SMCO4: variants seen among roughly 807,000 people sequenced by gnomAD.
SMCO4 encodes the protein single-pass membrane and coiled-coil domain-containing protein 4.
In SMCO4, 4 loss-of-function variants were observed where a neutral mutation model predicts 3.6. That is an observed-to-expected ratio of 1.11 (90% CI 0.54 to 2.53). SMCO4 has a LOEUF of 2.53. SMCO4 is among the 30% of genes most tolerant of loss of function. The pLI is 0.02. For synonymous variants in SMCO4, 36 were observed against 35.3 expected (o/e 1.02, Z -0.07); for missense variants, 70 against 80.8 (o/e 0.87, Z 0.51).
At chr11:93,520,563 T>C (rs1317225269) in intron 1 of SMCO4, among the ~76,000 whole-genome samples, 1 of 152,226 alleles carries the variant, frequency 6.6e-6, no homozygotes, top group East Asian at 1.9e-4. Flanking sequence ...TAAACTATAT[T>C]GCTTCCAAAC....
intron 2 of SMCO4, among the ~76,000 whole-genome samples, chr11:93,489,111 A>C (rs1274427698): frequency 6.6e-6 from 1 of 152,174 alleles, no homozygotes; most frequent in African/African-American, 2.4e-5. Context: ...AGACTGCAGT[A>C]AACAAGAGCA....
intron 1 of SMCO4, among the ~76,000 whole-genome samples, chr11:93,528,720 A>G (rs2658770): frequency 0.79 from 120,185 of 152,078 alleles, 47,884 homozygotes; most frequent in South Asian, 0.86. Flanking sequence ...AACCCTCTAG[A>G]TTAAAGATGA....
intron 1 of SMCO4, among the ~76,000 whole-genome samples, chr11:93,543,008 C>A (rs1296076787): frequency 2.0e-5 from 3 of 151,860 alleles, no homozygotes; most frequent in Non-Finnish European, 4.4e-5. Context: ...CCCCGCCCCG[C>A]AGCAACCGGG....
intron 1 of SMCO4, among the ~76,000 whole-genome samples, chr11:93,542,337 T>C (rs1949277752): frequency 1.3e-5 from 2 of 152,134 alleles, no homozygotes; most frequent in Admixed American, 1.3e-4. Flanking sequence ...CAAGGGAGCC[T>C]GGAGCTTGGC....
At chr11:93,522,736 G>A (rs944354150) in intron 1 of SMCO4, among the ~76,000 whole-genome samples, 4 of 152,196 alleles carry the variant, frequency 2.6e-5, no homozygotes, top group Non-Finnish European at 5.9e-5. Flanking sequence ...TCTGATGAGA[G>A]AGTGTCTCAT....
chr11:93,502,362 G>C (rs1458950871), intron 1 of SMCO4, among the ~76,000 whole-genome samples: 3 of 151,856 alleles, frequency 2.0e-5, no homozygotes, highest in East Asian at 3.9e-4. Context: ...AAGTTTCCAG[G>C]CTTCATAACA....
At chr11:93,529,397 G>A (rs1949142041) in intron 1 of SMCO4, among the ~76,000 whole-genome samples, 1 of 152,098 alleles carries the variant, frequency 6.6e-6, no homozygotes, top group African/African-American at 2.4e-5. Flanking sequence ...TGGCACTGGA[G>A]AATTCTATTT....
chr11:93,490,753 C>T (rs1030826094), intron 2 of SMCO4, among the ~76,000 whole-genome samples: 107 of 152,328 alleles, frequency 7.0e-4, no homozygotes, highest in African/African-American at 2.3e-3. Context: ...GATTTAGCTG[C>T]GGCTCTAAAA....
chr11:93,511,014 A>C (rs1948951920), intron 1 of SMCO4, among the ~76,000 whole-genome samples: 1 of 152,068 alleles, frequency 6.6e-6, no homozygotes, highest in Admixed American at 6.6e-5. Context: ...CAGGAGAATC[A>C]CTTAAACCCA....
intron 1 of SMCO4, among the ~76,000 whole-genome samples, chr11:93,517,267 G>A (rs1949015934): frequency 6.6e-6 from 1 of 152,180 alleles, no homozygotes; most frequent in African/African-American, 2.4e-5. Context: ...AGGAAGGGAA[G>A]TGGGCAGGGG....
chr11:93,480,355 C>T (rs559777961), intron 2 of SMCO4, among the ~76,000 whole-genome samples: 66 of 152,280 alleles, frequency 4.3e-4, no homozygotes, highest in Non-Finnish European at 7.5e-4. Flanking sequence ...GCCACCATGA[C>T]CACCCCCAAA....
chr11:93,522,980 C>A (rs1392050458), intron 1 of SMCO4, among the ~76,000 whole-genome samples: 1 of 152,166 alleles, frequency 6.6e-6, no homozygotes. Flanking sequence ...CAAGATCACA[C>A]AGCAAATACA....
chr11:93,526,988 C>T (rs951351005), intron 1 of SMCO4, among the ~76,000 whole-genome samples: 3 of 152,162 alleles, frequency 2.0e-5, no homozygotes, highest in Non-Finnish European at 2.9e-5. Context: ...GACAGAATTC[C>T]GACACACAAC....
intron 1 of SMCO4, among the ~76,000 whole-genome samples, chr11:93,532,863 C>G (rs1407733803): frequency 6.7e-6 from 1 of 149,256 alleles, no homozygotes; most frequent in African/African-American, 2.5e-5. Flanking sequence ...ACCTAATAAA[C>G]ATGTCGTGTA....
At chr11:93,535,300 C>T (rs555539118) in intron 1 of SMCO4, among the ~76,000 whole-genome samples, 1 of 152,324 alleles carries the variant, frequency 6.6e-6, no homozygotes, top group South Asian at 2.1e-4. Flanking sequence ...GCTTACACCA[C>T]CCTGAGCTGA....
chr11:93,540,771 CAATT>C (rs1301866225), intron 1 of SMCO4, among the ~76,000 whole-genome samples: 2 of 152,160 alleles, frequency 1.3e-5, no homozygotes, highest in East Asian at 1.9e-4. Flanking sequence ...CAATACTTCT[CAATT>C]AAAGTAAAAT....
At position 93,534,238 on chromosome 11, in the gene SMCO4, AC is replaced by A. The variant is rs1485553961; in HGVS notation, c.-154+9037del. Among the ~76,000 whole-genome samples, 8 of 10,044 alleles carry A rather than the reference AC, an allele frequency of 8.0e-4. 1 individual carries two copies. Among genetic ancestry groups the A allele is most frequent in the East Asian group, 4.7e-3 (1 of 214 alleles). 6.6% of individuals were successfully genotyped at this position (10,044 alleles called of 152,430 possible). A position where few individuals can be genotyped will look rare whatever the true frequency, so the allele number is the denominator to read the frequency against. On this transcript the variant is annotated intron_variant, in intron 1 of 2. Coordinates refer to ENST00000298966, the MANE Select transcript of SMCO4 (RefSeq NM_020179.3). ...TATACACACACACACACACACACAC[AC>A]ACACACACACACACACACACACAAA...
intron 1 of SMCO4, among the ~76,000 whole-genome samples, chr11:93,502,437 TG>T (rs1195628951): frequency 6.6e-6 from 1 of 152,168 alleles, no homozygotes; most frequent in Non-Finnish European, 1.5e-5. Flanking sequence ...GAGGTTTTCT[TG>T]CATGGTCAGA....
At chr11:93,531,551 T>C (rs1330674553) in intron 1 of SMCO4, among the ~76,000 whole-genome samples, 2 of 152,216 alleles carry the variant, frequency 1.3e-5, no homozygotes, top group African/African-American at 4.8e-5. Context: ...TCTCTTTATA[T>C]ACATACACAT....
Sources: allele counts gnomAD v4.1 joint callset (sites outside exome capture counted in the v4.1 genomes callset), GRCh38; gene constraint gnomAD v4.1.1; transcripts MANE v1.5; gene names NCBI Gene and HGNC (gene_info 2026-07-23, HGNC 2026-07-21).